Variants in RBFOX1 observed in about 807,000 individuals in gnomAD.
RBFOX1 encodes the protein RNA binding protein fox-1 homolog 1.
A neutral mutation model predicts 57.7 loss-of-function variants in RBFOX1; 8 were observed. The ratio of observed to expected loss-of-function variants is 0.14; its 90% CI spans 0.08 to 0.25. The LOEUF is 0.25. Among genes scored for constraint, RBFOX1 ranks in the 10% least tolerant of loss-of-function variants. The probability of loss-of-function intolerance (pLI) is 1.00; values close to 1 mark genes in which losing one functional copy is unlikely to be tolerated. For missense variants in RBFOX1, 611 were observed against 548.5 expected (o/e 1.11, Z -1.14); for synonymous variants, 326 against 222.4 (o/e 1.47, Z -4.15).
intron 2 of RBFOX1, among the ~76,000 whole-genome samples, chr16:6,546,614 C>T (rs2096899574): frequency 6.6e-6 from 1 of 152,134 alleles, no homozygotes; most frequent in Admixed American, 6.5e-5. Context: ...TCTTTGTGTC[C>T]ACATTTCTCC....
chr16:5,483,492 C>T (rs952453467), intron 2 of RBFOX1, among the ~76,000 whole-genome samples: 2 of 152,202 alleles, frequency 1.3e-5, no homozygotes, highest in African/African-American at 4.8e-5. Context: ...CTAATTGTGT[C>T]TTATTTCCAC....
intron 4 of RBFOX1, among the ~76,000 whole-genome samples, chr16:7,488,991 C>G (rs1313507128): frequency 2.0e-5 from 3 of 152,274 alleles, no homozygotes; most frequent in Admixed American, 2.0e-4. Context: ...TCTAATCTCT[C>G]TATTGCTCTG....
At chr16:7,500,560 A>G (rs769729464) in intron 4 of RBFOX1, among the ~76,000 whole-genome samples, 2 of 152,180 alleles carry the variant, frequency 1.3e-5, no homozygotes, top group Non-Finnish European at 2.9e-5. Flanking sequence ...GGTCATATGG[A>G]TGAAAATATC....
In RBFOX1 at chr16:5,695,552, A is replaced by C. The variant is rs2050820314; in HGVS notation, c.318+96591A>C. Among the ~76,000 whole-genome samples, 7 of 152,318 alleles carry C rather than the reference A, an allele frequency of 4.6e-5. No homozygotes were observed. In the South Asian group the frequency reaches 1.4e-3, roughly 32 times the overall value. On this transcript the variant is annotated intron_variant, in intron 3 of 19. Transcript: ENST00000641259. The stretch of plus-strand genomic sequence containing the variant: ...GGATGGGATGATGCCAGTCAAAATA[A>C]TTGGTCAATCTTAGGATTGCTAAAA...
chr16:6,980,230 G>C (rs143834496), intron 3 of RBFOX1, among the ~76,000 whole-genome samples: 1 of 152,078 alleles, frequency 6.6e-6, no homozygotes, highest in African/African-American at 2.4e-5. Context: ...AAAAATTACC[G>C]CAAAATTTTA....
chr16:7,327,033 T>A (rs1568224438), intron 4 of RBFOX1, among the ~76,000 whole-genome samples: 1 of 152,124 alleles, frequency 6.6e-6, no homozygotes, highest in African/African-American at 2.4e-5. Flanking sequence ...TGATCACTAT[T>A]AAAAGAGTCA....
intron 3 of RBFOX1, among the ~76,000 whole-genome samples, chr16:7,026,147 C>G (rs917408731): frequency 5.9e-5 from 9 of 152,176 alleles, no homozygotes; most frequent in East Asian, 1.9e-4. Context: ...AGGCCTCCCT[C>G]TGCGTGGGGT....
intron 1 of RBFOX1, among the ~76,000 whole-genome samples, chr16:6,027,689 C>T (rs2095222264): frequency 6.6e-6 from 1 of 152,248 alleles, no homozygotes; most frequent in South Asian, 2.1e-4. Context: ...TTACTATTAT[C>T]CATTGATAAT....
At chr16:6,461,090 C>T (rs980289484) in intron 2 of RBFOX1, among the ~76,000 whole-genome samples, 1 of 152,038 alleles carries the variant, frequency 6.6e-6, no homozygotes, top group African/African-American at 2.4e-5. Context: ...ACAACACTCA[C>T]TAGAGCCTGT....
intron 4 of RBFOX1, among the ~76,000 whole-genome samples, chr16:7,095,185 G>A (rs2061497168): frequency 6.6e-6 from 1 of 152,060 alleles, no homozygotes; most frequent in Non-Finnish European, 1.5e-5. Context: ...CGCCCACGCT[G>A]GAGTGCAGTG....
chr16:5,575,156 T>C (rs956119798), intron 2 of RBFOX1, among the ~76,000 whole-genome samples: 10 of 152,220 alleles, frequency 6.6e-5, no homozygotes, highest in African/African-American at 2.4e-4. Flanking sequence ...ATTACAACTA[T>C]GATGCTTCTG....
At position 5,240,083 on chromosome 16, in the gene RBFOX1, A is replaced by G. The variant is rs567171587; in HGVS notation, c.197A>G (p.Gln66Arg). The change falls in exon 1 of 3, where the codon CAG (glutamine) becomes CGG (arginine). Residue 66 changes from glutamine to arginine, a missense_variant. Gln to Arg is a conservative substitution (Grantham distance 43). Coordinates refer to the RBFOX1 transcript ENST00000585867. ...CCGGGCAGGGAGGAGACCGGCACCCAGACAGGTGGCGACGGCAGAGGAGTA... is the reference window on the plus strand; with the variant it reads ...CCGGGCAGGGAGGAGACCGGCACCCGGACAGGTGGCGACGGCAGAGGAGTA... The G allele has an allele frequency of 2.3e-4, 345 of 1,530,900 alleles. No homozygotes were observed. In the African/African-American group the frequency reaches 4.4e-3, roughly 20 times the overall value. The allele number at this position is 1,530,900 out of a possible 1,614,324, so 94.8% of individuals were successfully genotyped here.
At chr16:6,639,072 T>G (rs1267240363) in intron 2 of RBFOX1, among the ~76,000 whole-genome samples, 2 of 152,228 alleles carry the variant, frequency 1.3e-5, no homozygotes, top group Non-Finnish European at 2.9e-5. Flanking sequence ...TAGCCATCGT[T>G]TCACTCAGAG....
chr16:6,544,460 A>C (rs568710659), intron 2 of RBFOX1, among the ~76,000 whole-genome samples: 1 of 152,344 alleles, frequency 6.6e-6, no homozygotes, highest in South Asian at 2.1e-4. Flanking sequence ...TCTGGGAGGC[A>C]CTGTAATTTC....
chr16:7,661,574 C>G (rs1190534575), intron 12 of RBFOX1, among the ~76,000 whole-genome samples: 2 of 152,202 alleles, frequency 1.3e-5, no homozygotes, highest in Admixed American at 1.3e-4. Flanking sequence ...CTGTTGCTGT[C>G]TCCTGCAGTA....
intron 1 of RBFOX1, among the ~76,000 whole-genome samples, chr16:5,386,991 C>T (rs1346286866): frequency 6.6e-6 from 1 of 152,210 alleles, no homozygotes; most frequent in Non-Finnish European, 1.5e-5. Flanking sequence ...GCGGAGGTTG[C>T]AGTGAGCCGA....
intron 1 of RBFOX1, among the ~76,000 whole-genome samples, chr16:6,270,393 G>C (rs1599019872): frequency 6.7e-6 from 1 of 149,400 alleles, no homozygotes; most frequent in Non-Finnish European, 1.5e-5. Context: ...AAAAAAGATA[G>C]AGTATGGAAA....
chr16:6,508,291 T>C (rs1367436111), intron 2 of RBFOX1, among the ~76,000 whole-genome samples: 4 of 152,126 alleles, frequency 2.6e-5, no homozygotes, highest in African/African-American at 4.8e-5. Flanking sequence ...GGTGATGGAA[T>C]AATCTGTACA....
At chr16:6,526,663 T>A (rs2096581969) in intron 2 of RBFOX1, among the ~76,000 whole-genome samples, 1 of 151,156 alleles carries the variant, frequency 6.6e-6, no homozygotes, top group South Asian at 2.1e-4. Flanking sequence ...ACCCCGTGTC[T>A]ACTAAAAATA....
Sources: allele counts gnomAD v4.1 joint callset (sites outside exome capture counted in the v4.1 genomes callset), GRCh38; gene constraint gnomAD v4.1.1; transcripts MANE v1.5; gene names NCBI Gene and HGNC (gene_info 2026-07-23, HGNC 2026-07-21).